The following CBFA2T3 variants were observed in gnomAD, a reference collection of about 807,000 sequenced individuals.
CBFA2T3 encodes the protein CBFA2/RUNX1 partner transcriptional co-repressor 3, also known as transcriptional corepressor CBFA2T3.
CBFA2T3 carries 31 observed loss-of-function variants against 58.6 expected under a neutral mutation model. The ratio of observed to expected loss-of-function variants is 0.53; its 90% CI spans 0.40 to 0.71. The LOEUF (loss-of-function observed/expected upper bound fraction) is 0.71. Among genes scored for constraint, CBFA2T3 ranks in the 30% least tolerant of loss-of-function variants. CBFA2T3 has a pLI of 0.00. For synonymous variants in CBFA2T3, 531 were observed against 421.9 expected, an observed-to-expected ratio of 1.26 and a Z score of -3.17; for missense variants, 1,076 against 963.1, an observed-to-expected ratio of 1.12 and a Z score of -1.55.
intron 3 of CBFA2T3, 137 bp from the exon 4 acceptor site, chr16:88,892,622 T>A: frequency 9.6e-7 from 1 of 1,044,786 alleles, no homozygotes; most frequent in Non-Finnish European, 1.5e-6. Context: ...ACAAGGACAG[T>A]AGCGCTGAGG....
chr16:88,964,118 G>C (rs1204100468), intron 1 of CBFA2T3, among the ~76,000 whole-genome samples: 1 of 152,244 alleles, frequency 6.6e-6, no homozygotes, highest in East Asian at 1.9e-4. Flanking sequence ...TCGGCTTAAA[G>C]GAATCCATAT....
At chr16:88,880,673 C>T in intron 10 of CBFA2T3, 47 bp downstream of exon 10, 1 of 1,492,872 alleles carries the variant, frequency 6.7e-7, no homozygotes, top group Non-Finnish European at 9.1e-7. Context: ...ATCTGGGGCC[C>T]TGGCCTCCCA....
At chr16:88,931,239 T>C (rs1445716894) in intron 1 of CBFA2T3, among the ~76,000 whole-genome samples, 2 of 151,936 alleles carry the variant, frequency 1.3e-5, no homozygotes, top group Non-Finnish European at 2.9e-5. Context: ...TGCAGGCAGG[T>C]AGCGGAGGCA....
intron 1 of CBFA2T3, among the ~76,000 whole-genome samples, chr16:88,931,218 TG>T (rs1445064369): frequency 6.6e-6 from 1 of 151,966 alleles, no homozygotes; most frequent in African/African-American, 2.4e-5. Context: ...TCCTGTCAAC[TG>T]GGGCCAACTT....
chr16:88,932,843 G>A (rs1362213691), intron 1 of CBFA2T3, among the ~76,000 whole-genome samples: 7 of 148,880 alleles, frequency 4.7e-5, no homozygotes, highest in African/African-American at 1.5e-4. Context: ...GTGGTGTGTG[G>A]CTGTAATCCC....
chr16:88,923,628 A>C (rs2142743580), intron 1 of CBFA2T3, among the ~76,000 whole-genome samples: 1 of 152,332 alleles, frequency 6.6e-6, no homozygotes, highest in Admixed American at 6.5e-5. Context: ...TGCACAGCCC[A>C]GTCCTGGCGC....
At position 88,898,155 on chromosome 16, in the gene CBFA2T3, G is replaced by C; in HGVS notation, c.305-3C>G. On this transcript the variant is annotated splice_region_variant and splice_polypyrimidine_tract_variant and intron_variant, in intron 2 of 11. Coordinates refer to ENST00000268679, the MANE Select transcript of CBFA2T3 (RefSeq NM_005187.6). ...CGTCGCAGGCCCGTCCTCTCGATCT[G>C]TAAGCAAAATAAGAAGAACACGCTG... The C allele has an allele frequency of 1.2e-6, 2 of 1,610,826 alleles. No individual in the cohort carries two copies. The highest frequency in any genetic ancestry group is 1.7e-6 in the Non-Finnish European group (2 of 1,178,120).
intron 3 of CBFA2T3, among the ~76,000 whole-genome samples, chr16:88,892,864 C>G (rs1052887746): frequency 1.3e-5 from 2 of 152,320 alleles, no homozygotes; most frequent in East Asian, 3.9e-4. Context: ...TGTGGCTTCT[C>G]CTGCCTGGCA....
At chr16:88,933,741 G>T (rs1452793735) in intron 1 of CBFA2T3, among the ~76,000 whole-genome samples, 1 of 147,128 alleles carries the variant, frequency 6.8e-6, no homozygotes, top group Non-Finnish European at 1.5e-5. Flanking sequence ...CACGTCACGT[G>T]CCTCTATACG....
chr16:88,884,451 G>A lies in CBFA2T3; in HGVS notation c.1117+595C>T, dbSNP rs547818646. Among the ~76,000 whole-genome samples, 3 of 152,188 alleles carry A rather than the reference G, an allele frequency of 2.0e-5. 1 individual carries two copies. In the South Asian group the frequency reaches 6.2e-4, roughly 32 times the overall value. ...GTGAGACTGTGGGTGCATTATGTGT[G>A]CTCTCAGGCCTCAGTCTCCTCATCT... On this transcript the variant is annotated intron_variant, in intron 7 of 11. Transcript: ENST00000268679.
chr16:88,927,573 C>G (rs147339992), intron 1 of CBFA2T3, among the ~76,000 whole-genome samples: 3,185 of 152,302 alleles, frequency 0.021, 53 homozygotes, highest in African/African-American at 0.044. Flanking sequence ...GGCCACGCCA[C>G]CCAGGTACCA....
intron 1 of CBFA2T3, among the ~76,000 whole-genome samples, chr16:88,944,436 A>C (rs1256159110): frequency 6.6e-6 from 1 of 151,664 alleles, no homozygotes; most frequent in Non-Finnish European, 1.5e-5. Flanking sequence ...TGGTGCCCCG[A>C]TCACACACCC....
chr16:88,956,351 G>A (rs1972220160), intron 1 of CBFA2T3, among the ~76,000 whole-genome samples: 1 of 152,256 alleles, frequency 6.6e-6, no homozygotes, highest in African/African-American at 2.4e-5. Flanking sequence ...CCACCCGCCG[G>A]GTCCCCGGGA....
At chr16:88,952,128 G>A (rs1972089376) in intron 1 of CBFA2T3, among the ~76,000 whole-genome samples, 1 of 152,104 alleles carries the variant, frequency 6.6e-6, no homozygotes, top group African/African-American at 2.4e-5. Flanking sequence ...CGAGTGATGG[G>A]AACAGGCTCG....
intron 1 of CBFA2T3, among the ~76,000 whole-genome samples, chr16:88,929,709 A>G (rs533285): frequency 0.015 from 837 of 54,624 alleles, 3 homozygotes; most frequent in Middle Eastern, 0.035. Context: ...CCACGCAAAA[A>G]CTACCAATAC....
At chr16:88,901,804 C>T (rs1026312486) in intron 1 of CBFA2T3, 148 bp from the exon 2 acceptor site, 27 of 645,900 alleles carry the variant, frequency 4.2e-5, no homozygotes, top group Admixed American at 8.5e-5. Context: ...AGGTGGCTGA[C>T]GTCCCACGTG....
intron 1 of CBFA2T3, among the ~76,000 whole-genome samples, chr16:88,924,481 G>A (rs1971022074): frequency 2.0e-5 from 3 of 152,298 alleles, no homozygotes; most frequent in Middle Eastern, 3.4e-3. Context: ...GACGGGTCCA[G>A]CAATGGGCAG....
chr16:88,879,450 C>T lies in CBFA2T3; in HGVS notation c.1482G>A (p.Val494=). Residue 494 remains valine, a synonymous_variant, in exon 11 of 12, where the codon GTG becomes GTA. Transcript: ENST00000268679. The stretch of plus-strand genomic sequence containing the variant: ...ACATGGCCTGCCGCTTCACCTCATT[C>T]ACGGCCTCTTCTGCAAAGGACATGG... ...EDIWRKAEEA[V]NEVKRQAMSE... is the part of the protein sequence containing the mutation. The T allele has an allele frequency of 6.2e-7, 1 of 1,611,276 alleles. No homozygotes were observed. The highest frequency in any genetic ancestry group is 8.5e-7 in the Non-Finnish European group (1 of 1,178,246).
At chr16:88,970,937 C>T (rs568666540) in intron 1 of CBFA2T3, among the ~76,000 whole-genome samples, 8 of 151,972 alleles carry the variant, frequency 5.3e-5, no homozygotes, top group African/African-American at 1.7e-4. Context: ...GGAGGTCGGT[C>T]GGGAGGGGGC....
Sources: allele counts gnomAD v4.1 joint callset (sites outside exome capture counted in the v4.1 genomes callset), GRCh38; gene constraint gnomAD v4.1.1; transcripts MANE v1.5; gene names NCBI Gene and HGNC (gene_info 2026-07-23, HGNC 2026-07-21).